Variants in SEL1L observed in about 807,000 individuals in gnomAD.
SEL1L encodes protein sel-1 homolog 1.
SEL1L carries 52 observed loss-of-function variants against 109.8 expected under a neutral mutation model. That is an observed-to-expected ratio of 0.47 (90% confidence interval 0.38 to 0.60). The LOEUF (loss-of-function observed/expected upper bound fraction) is 0.60. SEL1L is among the 20% of genes least tolerant of loss of function. The probability of loss-of-function intolerance (pLI) is 0.00; values close to 1 mark genes in which losing one functional copy is unlikely to be tolerated. For missense variants in SEL1L, 749 were observed against 962.2 expected (o/e 0.78, Z 2.93); for synonymous variants, 373 against 339.6 (o/e 1.10, Z -1.08).
chr14:81,527,696 C>T lies in SEL1L; in HGVS notation c.108+5G>A. The T allele has an allele frequency of 1.9e-6, 3 of 1,599,668 alleles. No individual in the cohort carries two copies. Among genetic ancestry groups the T allele is most frequent in the Non-Finnish European group, 1.7e-6 (2 of 1,172,438 alleles). ...ATACTGGCCAATACACATTTTAGTA[C>T]ATACCTTGGAATCTAAGGATTCATC... On this transcript the variant is annotated splice_donor_5th_base_variant and intron_variant, in intron 2 of 20. Coordinates refer to ENST00000336735, the MANE Select transcript of SEL1L (RefSeq NM_005065.6).
intron 1 of SEL1L, among the ~76,000 whole-genome samples, chr14:81,529,158 T>C (rs904980731): frequency 6.6e-6 from 1 of 152,160 alleles, no homozygotes; most frequent in Non-Finnish European, 1.5e-5. Context: ...CATTAGGCAA[T>C]GATGTCAGTT....
intron 11 of SEL1L, among the ~76,000 whole-genome samples, chr14:81,494,176 A>AACTT (rs1306107901): frequency 7.2e-5 from 11 of 152,322 alleles, no homozygotes; most frequent in African/African-American, 2.6e-4. Flanking sequence ...CTTCTCCTCC[A>AACTT]GCAACTCAAT....
intron 19 of SEL1L, among the ~76,000 whole-genome samples, chr14:81,480,777 C>T (rs1443707333): frequency 6.6e-6 from 1 of 152,194 alleles, no homozygotes; most frequent in African/African-American, 2.4e-5. Context: ...GGACTCGATT[C>T]TGCAGTTCTG....
chr14:81,501,059 T>C (rs1883986843), intron 6 of SEL1L, among the ~76,000 whole-genome samples: 1 of 152,182 alleles, frequency 6.6e-6, no homozygotes, highest in Non-Finnish European at 1.5e-5. Context: ...CTGTCAGGGA[T>C]GTAAGCCTGA....
intron 4 of SEL1L, among the ~76,000 whole-genome samples, chr14:81,505,307 CA>C (rs1884195788): frequency 6.6e-6 from 1 of 152,064 alleles, no homozygotes; most frequent in Admixed American, 6.6e-5. Context: ...ATAGATTTTT[CA>C]AAAGTTATTT....
chr14:81,498,462 G>A lies in SEL1L; in HGVS notation c.924C>T (p.Leu308=). 2 of 1,614,090 alleles carry A rather than the reference G, an allele frequency of 1.2e-6. No individual in the cohort carries two copies. The highest frequency in any genetic ancestry group is 2.2e-5 in the South Asian group (2 of 91,074). ...GAGTCAGGGCAGATTCACAACTCTGGAGGACGCCGATGCCAGCCCAGTATC... is the reference window on the plus strand; with the variant it reads ...GAGTCAGGGCAGATTCACAACTCTGAAGGACGCCGATGCCAGCCCAGTATC... ...GYRYWAGIGV[L]QSCESALTHY... The change falls in exon 9 of 21, where the codon CTC becomes CTT. Residue 308 remains leucine, a synonymous_variant. Coordinates refer to ENST00000336735, the MANE Select transcript of SEL1L (RefSeq NM_005065.6).
At chr14:81,499,903 CTTT>C (rs67769195) in intron 6 of SEL1L, among the ~76,000 whole-genome samples, 60 of 119,180 alleles carry the variant, frequency 5.0e-4, no homozygotes, top group African/African-American at 1.3e-3. Flanking sequence ...TTATTTGTGG[CTTT>C]TTTTTTTTTT....
In SEL1L at chr14:81,486,298, G is replaced by C; in HGVS notation, c.1789C>G (p.Leu597Val). The change falls in exon 17 of 21, where the codon CTT (leucine) becomes GTT (valine). Residue 597 changes from leucine (L) to valine (V), a missense_variant. Transcript: ENST00000336735. The part of the protein sequence containing the change: ...EVAQSNAAFI[L>V]DQREASIVGE... ...CTAAAATGAACCTTACTCTGATCAA[G>C]AATAAAGGCTGCATTGCTTTGTGCC... 2 of 1,614,078 alleles carry C rather than the reference G, an allele frequency of 1.2e-6. No individual in the cohort carries two copies. Among genetic ancestry groups the C allele is most frequent in the Non-Finnish European group, 1.7e-6 (2 of 1,179,978 alleles).
chr14:81,479,611 C>T lies in SEL1L; in HGVS notation c.2175+1G>A, dbSNP rs752901198. The T allele has an allele frequency of 6.2e-7, 1 of 1,605,410 alleles. No homozygotes were observed. The highest frequency in any genetic ancestry group is 1.1e-5 in the South Asian group (1 of 89,306). ...AATGAAAAGAGGTACGGACCACTTA[C>T]GTTTGTTTCCCGTATGTACTGCAAG... On this transcript the variant is annotated splice_donor_variant, in intron 20 of 20. Coordinates refer to ENST00000336735, the MANE Select transcript of SEL1L (RefSeq NM_005065.6). LOFTEE classifies it high-confidence loss of function.
chr14:81,481,320 A>C (rs892696031), intron 19 of SEL1L, among the ~76,000 whole-genome samples: 1 of 151,768 alleles, frequency 6.6e-6, no homozygotes, highest in Non-Finnish European at 1.5e-5. Context: ...ACCAAAAATG[A>C]CTCCCCCTCC....
intron 3 of SEL1L, among the ~76,000 whole-genome samples, chr14:81,520,327 C>T (rs953475782): frequency 6.6e-6 from 1 of 152,176 alleles, no homozygotes; most frequent in East Asian, 1.9e-4. Flanking sequence ...GATTTTAAAA[C>T]ACTGTATTAT....
At chr14:81,515,653 AGG>A (rs1445605950) in intron 3 of SEL1L, among the ~76,000 whole-genome samples, 6 of 152,234 alleles carry the variant, frequency 3.9e-5, no homozygotes, top group Non-Finnish European at 5.9e-5. Flanking sequence ...ACTCAGGGAA[AGG>A]AAGAAAATCC....
intron 12 of SEL1L, among the ~76,000 whole-genome samples, chr14:81,492,182 G>C (rs180910570): frequency 1.8e-4 from 28 of 152,094 alleles, no homozygotes; most frequent in African/African-American, 6.5e-4. Context: ...TAGTACAGAT[G>C]GGGTTTCACC....
chr14:81,508,577 T>C (rs1226692424), intron 3 of SEL1L, among the ~76,000 whole-genome samples: 1 of 152,084 alleles, frequency 6.6e-6, no homozygotes, highest in Non-Finnish European at 1.5e-5. Context: ...TGAAACTCTG[T>C]CTCTACTAAA....
intron 3 of SEL1L, among the ~76,000 whole-genome samples, chr14:81,510,123 T>C (rs1189020026): frequency 6.6e-6 from 1 of 152,108 alleles, no homozygotes; most frequent in Non-Finnish European, 1.5e-5. Flanking sequence ...GAAGAAAGTA[T>C]CTTCAGGGAA....
At chr14:81,485,151 C>T (rs1903479351) in intron 18 of SEL1L, among the ~76,000 whole-genome samples, 1 of 152,162 alleles carries the variant, frequency 6.6e-6, no homozygotes, top group Non-Finnish European at 1.5e-5. Context: ...TGAATCATAG[C>T]TTGATGGAAA....
intron 11 of SEL1L, 32 bp from the exon 12 acceptor site, chr14:81,492,580 T>C (rs781498435): frequency 3.5e-6 from 5 of 1,417,398 alleles, no homozygotes; most frequent in South Asian, 1.3e-5. Context: ...AAATAATTAG[T>C]TTTTAACAGA....
intron 19 of SEL1L, among the ~76,000 whole-genome samples, chr14:81,482,274 TATATC>T (rs1903382827): frequency 1.3e-5 from 2 of 152,200 alleles, no homozygotes; most frequent in Admixed American, 1.3e-4. Flanking sequence ...ACAGATTAGT[TATATC>T]ATTTTAATTT....
intron 3 of SEL1L, among the ~76,000 whole-genome samples, chr14:81,513,814 C>T (rs1304966377): frequency 2.0e-5 from 3 of 152,164 alleles, no homozygotes; most frequent in African/African-American, 7.2e-5. Context: ...TCCGCTTTCC[C>T]TGTACTTCTC....
Sources: gnomAD v4.1 joint callset for allele counts (sites outside exome capture counted in the v4.1 genomes callset) on GRCh38, gnomAD v4.1.1 for gene constraint, MANE v1.5 for transcripts, NCBI Gene and HGNC (gene_info 2026-07-23, HGNC 2026-07-21) for gene names.